The following ADAMTS17 variants were observed in gnomAD, a reference collection of about 807,000 sequenced individuals.
The protein encoded by ADAMTS17 is A disintegrin and metalloproteinase with thrombospondin motifs 17.
Under a neutral mutation model 141.5 loss-of-function variants are expected in ADAMTS17, and 113 were observed. The ratio of observed to expected loss-of-function variants is 0.80; its 90% CI spans 0.69 to 0.93. ADAMTS17 has a LOEUF of 0.93. ADAMTS17 is among the 40% of genes least tolerant of loss of function. The pLI is 0.00. For synonymous variants in ADAMTS17, 768 were observed against 630.6 expected (o/e 1.22, Z -3.27); for missense variants, 1,659 against 1,517.9 (o/e 1.09, Z -1.54).
intron 14 of ADAMTS17, among the ~76,000 whole-genome samples, chr15:100,098,492 C>T (rs574953664): frequency 2.6e-5 from 4 of 151,958 alleles, no homozygotes; most frequent in Non-Finnish European, 5.9e-5. Flanking sequence ...ACTAAAAATA[C>T]AAAAATTAGC....
At chr15:100,139,554 C>T (rs1366823642) in intron 10 of ADAMTS17, among the ~76,000 whole-genome samples, 6 of 152,152 alleles carry the variant, frequency 3.9e-5, no homozygotes, top group African/African-American at 1.2e-4. Flanking sequence ...GGTTGGGAAA[C>T]GGCTACAGAA....
At chr15:100,254,056 C>T in intron 7 of ADAMTS17, 80 bp downstream of exon 7, 1 of 1,374,240 alleles carries the variant, frequency 7.3e-7, no homozygotes, top group Non-Finnish European at 1.0e-6. Flanking sequence ...GAGGACAGCT[C>T]CTCCACTGTG....
intron 8 of ADAMTS17, among the ~76,000 whole-genome samples, chr15:100,178,278 T>C (rs940747029): frequency 6.6e-6 from 1 of 152,178 alleles, no homozygotes; most frequent in Non-Finnish European, 1.5e-5. Flanking sequence ...AATTAGAGTT[T>C]GATTTTGATT....
At chr15:100,258,828 AAAAG>A (rs1457226102) in intron 6 of ADAMTS17, among the ~76,000 whole-genome samples, 1 of 151,898 alleles carries the variant, frequency 6.6e-6, no homozygotes, top group African/African-American at 2.4e-5. Context: ...GTGAAAAATG[AAAAG>A]AAAGTCTAAC....
intron 14 of ADAMTS17, among the ~76,000 whole-genome samples, chr15:100,098,707 G>A (rs1324625660): frequency 6.6e-6 from 1 of 152,024 alleles, no homozygotes; most frequent in Non-Finnish European, 1.5e-5. Flanking sequence ...GAGTAGCCAA[G>A]ATCAGAAAAT....
intron 15 of ADAMTS17, among the ~76,000 whole-genome samples, chr15:100,076,465 T>C (rs928140155): frequency 2.6e-5 from 4 of 152,244 alleles, no homozygotes; most frequent in East Asian, 3.8e-4. Context: ...AAAAGTCATA[T>C]GTTTTCCTTG....
chr15:100,238,163 T>A (rs2042716099), intron 7 of ADAMTS17, among the ~76,000 whole-genome samples: 1 of 152,242 alleles, frequency 6.6e-6, no homozygotes, highest in Non-Finnish European at 1.5e-5. Flanking sequence ...CTAATGGCCC[T>A]GGCCTGCAAA....
intron 7 of ADAMTS17, among the ~76,000 whole-genome samples, chr15:100,234,052 T>C (rs1404044520): frequency 6.6e-6 from 1 of 152,076 alleles, no homozygotes; most frequent in East Asian, 1.9e-4. Flanking sequence ...GAAAAAACTG[T>C]TGAAGAGGAA....
At chr15:100,081,762 T>C (rs1409414477) in intron 15 of ADAMTS17, among the ~76,000 whole-genome samples, 1 of 152,198 alleles carries the variant, frequency 6.6e-6, no homozygotes, top group African/African-American at 2.4e-5. Flanking sequence ...TATTTGCTAA[T>C]CCATTTGGTG....
chr15:99,986,946 G>T lies in ADAMTS17; in HGVS notation c.2949+6102C>A, dbSNP rs528461850. ...ATAGGAGTGCCCTAGGCAGAGATGGGAACGTGATGTGTGTCCCTCATACAC... is the reference window on the plus strand; with the variant it reads ...ATAGGAGTGCCCTAGGCAGAGATGGTAACGTGATGTGTGTCCCTCATACAC... On this transcript the variant is annotated intron_variant, in intron 20 of 21. Coordinates refer to ENST00000268070, the MANE Select transcript of ADAMTS17 (RefSeq NM_139057.4). Among the ~76,000 whole-genome samples, 68 of 152,310 alleles carry T rather than the reference G, an allele frequency of 4.5e-4. 1 individual carries two copies. The highest frequency in any genetic ancestry group is 1.4e-3 in the African/African-American group (60 of 41,568).
At chr15:100,173,033 C>A (rs932238643) in intron 8 of ADAMTS17, among the ~76,000 whole-genome samples, 1 of 152,078 alleles carries the variant, frequency 6.6e-6, no homozygotes, top group Non-Finnish European at 1.5e-5. Flanking sequence ...AAAACTAAGC[C>A]CAAGCGGTCT....
intron 10 of ADAMTS17, among the ~76,000 whole-genome samples, chr15:100,141,230 G>GTGAAAACGC (rs1161491264): frequency 6.6e-6 from 1 of 152,214 alleles, no homozygotes; most frequent in African/African-American, 2.4e-5. Context: ...CTGGAGCGCT[G>GTGAAAACGC]TGAAAACGCG....
intron 20 of ADAMTS17, among the ~76,000 whole-genome samples, chr15:99,988,861 G>A (rs2141314009): frequency 6.6e-6 from 1 of 152,320 alleles, no homozygotes; most frequent in Non-Finnish European, 1.5e-5. Context: ...CGTGATGCAT[G>A]AGCACCAGGT....
At position 100,161,131 on chromosome 15, in the gene ADAMTS17, CTTGATT is replaced by C. The variant is rs970023632; in HGVS notation, c.1182-5817_1182-5812del. Among the ~76,000 whole-genome samples the C allele has an allele frequency of 1.9e-4, 29 of 152,288 alleles. 2 individuals are homozygous for C. The highest frequency in any genetic ancestry group is 1.5e-3 in the Admixed American group (23 of 15,296). ...CACAGTCATAACTTCATGGCCTTGA[CTTGATT>C]TTATCTTAAAATAACATGCTGCTCT... is the stretch of plus-strand genomic sequence containing the variant. On this transcript the variant is annotated intron_variant, in intron 8 of 21. Coordinates refer to ENST00000268070, the MANE Select transcript of ADAMTS17 (RefSeq NM_139057.4).
chr15:100,070,349 C>G lies in ADAMTS17; in HGVS notation c.2138-16295G>C, dbSNP rs1194639736. On this transcript the variant is annotated intron_variant, in intron 15 of 21. Transcript: ENST00000268070. ...ACAGATCAACGAGTCAGAAAGTTAA[C>G]AAGGATATCCAGGAATTGAACTCAG... Among the ~76,000 whole-genome samples the G allele has an allele frequency of 3.7e-4, 56 of 150,080 alleles. 3 individuals are homozygous for G. The highest frequency in any genetic ancestry group is 1.4e-3 in the African/African-American group (55 of 40,582).
At chr15:100,230,975 G>A (rs899525603) in intron 7 of ADAMTS17, among the ~76,000 whole-genome samples, 1 of 152,176 alleles carries the variant, frequency 6.6e-6, no homozygotes, top group Non-Finnish European at 1.5e-5. Flanking sequence ...GGTATGTCTT[G>A]GAAGGCAGCC....
In ADAMTS17 at chr15:100,054,122, C is replaced by G. The variant is rs184544101; in HGVS notation, c.2138-68G>C. 4.4e-6 allele frequency: 7 copies of G among 1,590,106 alleles called. No individual in the cohort carries two copies. In the African/African-American group the frequency reaches 8.1e-5, roughly 18 times the overall value. On this transcript the variant is annotated intron_variant, in intron 15 of 21. Coordinates refer to ENST00000268070, the MANE Select transcript of ADAMTS17 (RefSeq NM_139057.4). ...TAGGGGGATCCAGCCTGTCTTTAAA[C>G]GGAATCTACAGCCCCTGAGTGGGGC...
At chr15:100,042,798 A>C (rs760660939) in intron 18 of ADAMTS17, among the ~76,000 whole-genome samples, 1 of 152,218 alleles carries the variant, frequency 6.6e-6, no homozygotes, top group Non-Finnish European at 1.5e-5. Context: ...GACACTACTC[A>C]GAACAGCAAG....
At chr15:100,007,998 G>A (rs143725267) in intron 18 of ADAMTS17, among the ~76,000 whole-genome samples, 271 of 152,224 alleles carry the variant, frequency 1.8e-3, no homozygotes, top group African/African-American at 6.0e-3. Context: ...CAGGGATGCC[G>A]GGAAGGGACT....
Sources: gnomAD v4.1 joint callset for allele counts (sites outside exome capture counted in the v4.1 genomes callset) on GRCh38, gnomAD v4.1.1 for gene constraint, MANE v1.5 for transcripts, NCBI Gene and HGNC (gene_info 2026-07-23, HGNC 2026-07-21) for gene names.